The following CCNY variants were observed in gnomAD, a reference collection of about 807,000 sequenced individuals.
CCNY encodes cyclin-Y.
In CCNY, 19 loss-of-function variants were observed where a neutral mutation model predicts 42.8. That is an observed-to-expected ratio of 0.44 (90% CI 0.31 to 0.65). The LOEUF is 0.65. Among genes scored for constraint, CCNY ranks in the 30% least tolerant of loss-of-function variants. CCNY has a pLI of 0.07. For missense variants in CCNY, 370 were observed against 437.3 expected (o/e 0.85, Z 1.37); for synonymous variants, 165 against 162.7 (o/e 1.01, Z -0.11).
chr10:35,291,965 G>A (rs538615481), intron 3 of CCNY, among the ~76,000 whole-genome samples: 73 of 152,328 alleles, frequency 4.8e-4, no homozygotes, highest in Non-Finnish European at 8.8e-4. Context: ...GCTTTCCAAA[G>A]AGATTGCAAC....
Position 35,258,140 on chromosome 10 carries a change from G to A in CCNY, c.-9+7514G>A, listed in dbSNP as rs568373685. Among the ~76,000 whole-genome samples, 12 of 152,242 alleles carry A rather than the reference G, an allele frequency of 7.9e-5. No homozygotes were observed. The East Asian group carries it at 1.4e-3, about 17-fold the overall frequency. Reference sequence around the variant, plus strand: ...CGTGCCACTGCACTCCAGCCTGGGCGACAGAGTGAGACTCTGTCTCTAAAT... The same window carrying A: ...CGTGCCACTGCACTCCAGCCTGGGCAACAGAGTGAGACTCTGTCTCTAAAT... On this transcript the variant is annotated intron_variant, in intron 3 of 11. Transcript: ENST00000374706.
At position 35,502,224 on chromosome 10, in the gene CCNY, CCTT is replaced by C. The variant is rs1289377980; in HGVS notation, c.264+696_264+698del. Reference sequence around the variant, plus strand: ...ATATACCAGGCAAGTCCTAGCCACACCTTCTTCTTAGAAATATGGCCCTTTAGG... The same window carrying C: ...ATATACCAGGCAAGTCCTAGCCACACCTTCTTAGAAATATGGCCCTTTAGG... On this transcript the variant is annotated intron_variant, in intron 3 of 9. Coordinates refer to ENST00000374704, the MANE Select transcript of CCNY (RefSeq NM_145012.6). Among the ~76,000 whole-genome samples the C allele has an allele frequency of 3.3e-5, 5 of 152,296 alleles. No individual in the cohort carries two copies. The East Asian group carries it at 7.7e-4, about 24-fold the overall frequency.
At chr10:35,555,116 A>G (rs1841338190) in intron 8 of CCNY, among the ~76,000 whole-genome samples, 1 of 152,192 alleles carries the variant, frequency 6.6e-6, no homozygotes, top group African/African-American at 2.4e-5. Flanking sequence ...ACCCTGTGAC[A>G]TGTGTACTGA....
chr10:35,529,046 G>A (rs181741451), intron 5 of CCNY, among the ~76,000 whole-genome samples: 19 of 152,288 alleles, frequency 1.2e-4, no homozygotes, highest in Non-Finnish European at 1.2e-4. Context: ...CGTGAGGTAC[G>A]GAGGGTCCCC....
chr10:35,332,253 A>G (rs971037403), upstream of CCNY: 28 of 152,226 alleles, frequency 1.8e-4, 1 homozygote, highest in Admixed American at 1.8e-3. Context: ...AAGGGCAGCC[A>G]TACTCTGAGG....
intron 7 of CCNY, among the ~76,000 whole-genome samples, chr10:35,551,526 TTTTG>T (rs1460896096): frequency 6.6e-6 from 1 of 152,148 alleles, no homozygotes; most frequent in Non-Finnish European, 1.5e-5. Flanking sequence ...GTCTGTTTAA[TTTTG>T]TTTTTTTTTC....
chr10:35,306,021 C>T (rs993195051), intron 3 of CCNY, among the ~76,000 whole-genome samples: 1 of 152,094 alleles, frequency 6.6e-6, no homozygotes, highest in African/African-American at 2.4e-5. Context: ...ACTTAAAATT[C>T]ATGTTTCATA....
At chr10:35,500,935 G>C (rs1033978475) in intron 2 of CCNY, among the ~76,000 whole-genome samples, 1 of 152,106 alleles carries the variant, frequency 6.6e-6, no homozygotes, top group Non-Finnish European at 1.5e-5. Context: ...ATGGGGTTGG[G>C]GTTGGGTGCC....
At chr10:35,329,439 T>C (rs1835916229) in intron 3 of CCNY, among the ~76,000 whole-genome samples, 1 of 152,140 alleles carries the variant, frequency 6.6e-6, no homozygotes, top group African/African-American at 2.4e-5. Context: ...TTTTTTATCA[T>C]CCTGAAAAAG....
At chr10:35,364,331 T>TA (rs1836764200) in intron 1 of CCNY, among the ~76,000 whole-genome samples, 2 of 152,222 alleles carry the variant, frequency 1.3e-5, no homozygotes, top group South Asian at 4.1e-4. Flanking sequence ...TGGTTATTCT[T>TA]ACCTTTTTCA....
intron 1 of CCNY, among the ~76,000 whole-genome samples, chr10:35,360,128 G>A (rs887396331): frequency 3.9e-5 from 6 of 152,200 alleles, no homozygotes; most frequent in Admixed American, 1.3e-4. Flanking sequence ...TATGTACTCA[G>A]AAGTGGAATT....
At chr10:35,522,399 C>T (rs1203612057) in intron 4 of CCNY, among the ~76,000 whole-genome samples, 1 of 152,216 alleles carries the variant, frequency 6.6e-6, no homozygotes, top group Non-Finnish European at 1.5e-5. Flanking sequence ...TCTTACCCCA[C>T]TGTGGGTCTA....
chr10:35,501,416 C>T lies in CCNY; in HGVS notation c.230-85C>T, dbSNP rs575923682. 346 of 1,163,284 alleles carry T rather than the reference C, an allele frequency of 3.0e-4. 1 individual carries two copies. In the African/African-American group the frequency reaches 4.6e-3, roughly 15 times the overall value. The allele number at this position is 1,163,284 out of a possible 1,614,324, so 72.1% of individuals were successfully genotyped here. Reference sequence around the variant, plus strand: ...GTTGGTTGGTGGAAGGACGGGACCACGACACAGAGGCCCAGTCCTCATCCA... The same window carrying T: ...GTTGGTTGGTGGAAGGACGGGACCATGACACAGAGGCCCAGTCCTCATCCA... On this transcript the variant is annotated intron_variant, in intron 2 of 9. Transcript: ENST00000374704.
chr10:35,295,052 G>A lies in CCNY; in HGVS notation c.-9+44426G>A, dbSNP rs146649630. Among the ~76,000 whole-genome samples, 1,082 of 151,956 alleles carry A rather than the reference G, an allele frequency of 7.1e-3. 14 individuals are homozygous for A. Among genetic ancestry groups the A allele is most frequent in the African/African-American group, 0.023 (955 of 41,492 alleles). The stretch of plus-strand genomic sequence containing the variant: ...GACCTGTAGTCCCAGCTACTTGGGA[G>A]GCTGAGGCAGATGGATTGCTTGAGC... On this transcript the variant is annotated intron_variant, in intron 3 of 11. Transcript: ENST00000374706.
intron 1 of CCNY, among the ~76,000 whole-genome samples, chr10:35,451,110 A>G (rs538728508): frequency 1.3e-5 from 2 of 152,358 alleles, no homozygotes; most frequent in East Asian, 3.9e-4. Flanking sequence ...GAAGAGTGTT[A>G]GGCAGAATAA....
At chr10:35,374,110 T>C (rs1482696954) in intron 1 of CCNY, among the ~76,000 whole-genome samples, 2 of 152,204 alleles carry the variant, frequency 1.3e-5, no homozygotes, top group African/African-American at 2.4e-5. Flanking sequence ...CTTTGCATTG[T>C]TTTTGCCCAC....
rs554831096 is a variant in CCNY, at chr10:35,354,070, A to G, written c.154+16863A>G. On this transcript the variant is annotated intron_variant, in intron 1 of 9. Transcript: ENST00000374704. The stretch of plus-strand genomic sequence containing the variant: ...TCACTGGCTGTTGGCTGGATACATC[A>G]GTTTCCTGCCACACTGGCCTCTCCA... Among the ~76,000 whole-genome samples, 264 of 152,112 alleles carry G rather than the reference A, an allele frequency of 1.7e-3. 2 individuals carry two copies. Among genetic ancestry groups the G allele is most frequent in the Non-Finnish European group, 2.7e-3 (186 of 68,002 alleles).
At chr10:35,514,046 TCCTCCACCACAC>T (rs1450538709) in intron 3 of CCNY, among the ~76,000 whole-genome samples, 1 of 120,036 alleles carries the variant, frequency 8.3e-6, no homozygotes, top group African/African-American at 3.2e-5. Context: ...TGTTGTACTT[TCCTCCACCACAC>T]CCTGAGAGGA....
intron 1 of CCNY, among the ~76,000 whole-genome samples, chr10:35,426,113 A>ACG (rs1838263872): frequency 2.4e-5 from 1 of 41,852 alleles, no homozygotes. Context: ...CAGCACGCGC[A>ACG]CACACACACA....
Sources: allele counts gnomAD v4.1 joint callset (sites outside exome capture counted in the v4.1 genomes callset), GRCh38; gene constraint gnomAD v4.1.1; transcripts MANE v1.5; gene names NCBI Gene and HGNC (gene_info 2026-07-23, HGNC 2026-07-21).